Variants in CCNB3 observed in about 807,000 individuals in gnomAD.
CCNB3 encodes the protein G2/mitotic-specific cyclin-B3.
CCNB3 carries 12 observed loss-of-function variants against 68.0 expected under a neutral mutation model. The observed-to-expected ratio is 0.18, with a 90% CI of 0.11 to 0.29. The LOEUF is 0.29. Ranked by LOEUF, CCNB3 falls within the 10% of genes least tolerant of loss-of-function variation. The pLI is 1.00. For synonymous variants in CCNB3, 354 were observed against 388.9 expected (o/e 0.91, Z 1.06); for missense variants, 904 against 993.1 (o/e 0.91, Z 1.21).
intron 8 of CCNB3, among the ~76,000 whole-genome samples, chrX:50,328,263 CT>C (rs1922395775): frequency 8.9e-6 from 1 of 112,114 alleles, no homozygotes; most frequent in African/African-American, 3.2e-5. Context: ...TAAAGAAATA[CT>C]TGAGACCGGG....
chrX:50,228,143 A>G (rs1331369215), intron 1 of CCNB3, among the ~76,000 whole-genome samples: 2 of 91,280 alleles, frequency 2.2e-5, no homozygotes, highest in African/African-American at 8.0e-5. Flanking sequence ...TACATAATAT[A>G]TATATAAATA....
At chrX:50,227,684 T>C (rs1288468842) in intron 1 of CCNB3, among the ~76,000 whole-genome samples, 1 of 7,450 alleles carries the variant, frequency 1.3e-4, no homozygotes, top group East Asian at 3.8e-3. Flanking sequence ...AGAATATATA[T>C]ATAAATATAT....
At chrX:50,351,210 T>C (rs1557221099) in intron 11 of CCNB3, 31 bp from the exon 12 acceptor site, 1 of 1,208,632 alleles carries the variant, frequency 8.3e-7, no homozygotes, top group Admixed American at 2.2e-5. Context: ...CTTCCTATAG[T>C]AGAAATCACT....
chrX:50,322,208 T>C (rs928848141), intron 8 of CCNB3, among the ~76,000 whole-genome samples: 8 of 109,971 alleles, frequency 7.3e-5, no homozygotes, highest in African/African-American at 2.6e-4. Flanking sequence ...AGCATGGTAC[T>C]GGTACCAAAA....
intron 1 of CCNB3, among the ~76,000 whole-genome samples, chrX:50,228,209 A>G (rs1050563023): frequency 2.2e-5 from 2 of 89,528 alleles, no homozygotes; most frequent in Non-Finnish European, 4.2e-5. Flanking sequence ...ATAAATACTT[A>G]TACATAGAAT....
intron 1 of CCNB3, among the ~76,000 whole-genome samples, chrX:50,228,034 A>G (rs1266370524): frequency 1.3e-5 from 1 of 76,566 alleles, no homozygotes; most frequent in East Asian, 3.7e-4. Flanking sequence ...GAATATATAT[A>G]GAGAGAATAT....
chrX:50,312,644 G>T lies in CCNB3; in HGVS notation c.3423+12G>T. The T allele has an allele frequency of 8.9e-7, 1 of 1,118,714 alleles. No homozygotes were observed. Among genetic ancestry groups the T allele is most frequent in the Non-Finnish European group, 1.2e-6 (1 of 817,943 alleles). 92.2% of individuals were successfully genotyped at this position (1,118,714 alleles called of 1,213,427 possible). A position where few individuals can be genotyped will look rare whatever the true frequency, so the allele number is the denominator to read the frequency against. On this transcript the variant is annotated intron_variant, in intron 7 of 12. Coordinates refer to ENST00000376042, the MANE Select transcript of CCNB3 (RefSeq NM_033031.3). ...TGAAAGAGAGAGAGGTATTTAGGTT[G>T]CTTGGGTTGGGCAATGATTTCTAGT... is the stretch of plus-strand genomic sequence containing the variant.
upstream of CCNB3, among the ~76,000 whole-genome samples, chrX:50,204,105 A>G (rs1451123858): frequency 1.8e-5 from 2 of 111,755 alleles, no homozygotes; most frequent in African/African-American, 6.5e-5. Context: ...CATTGCATCC[A>G]CCACAATACT....
chrX:50,328,069 T>G, intron 8 of CCNB3, among the ~76,000 whole-genome samples: 1 of 111,524 alleles, frequency 9.0e-6, no homozygotes, highest in Non-Finnish European at 1.9e-5. Context: ...AAAAGAAAAT[T>G]GATTCTTTAC....
In CCNB3 at chrX:50,309,845, A is replaced by G. The variant is rs200092177; in HGVS notation, c.1676A>G (p.Asp559Gly). The change falls in exon 6 of 13, where the codon GAT (aspartate) becomes GGT (glycine). Residue 559 changes from aspartate (D) to glycine (G), a missense_variant. This residue lies in a region of CCNB3 where 619 missense variants were observed against 609.8 expected (regional missense o/e 1.02). Coordinates refer to ENST00000376042, the MANE Select transcript of CCNB3 (RefSeq NM_033031.3). ...GACTTTCAGGATATGATTGGTGAAGATAAGAATTCTTTCTTTATGGAGCCA... is the reference window on the plus strand; with the variant it reads ...GACTTTCAGGATATGATTGGTGAAGGTAAGAATTCTTTCTTTATGGAGCCA... ...LLDFQDMIGE[D>G]KNSFFMEPMS... 1.4e-4 allele frequency: 173 copies of G among 1,209,262 alleles called. No individual in the cohort carries two copies. Among genetic ancestry groups the G allele is most frequent in the Middle Eastern group, 1.4e-3 (6 of 4,368 alleles).
intron 1 of CCNB3, among the ~76,000 whole-genome samples, chrX:50,279,175 GAA>G (rs1936019027): frequency 8.3e-4 from 1 of 1,209 alleles, no homozygotes; most frequent in Non-Finnish European, 1.3e-3. Flanking sequence ...ATATATATAT[GAA>G]TATAATATAT....
At chrX:50,227,173 A>G (rs1254617125) in intron 1 of CCNB3, among the ~76,000 whole-genome samples, 1 of 83,306 alleles carries the variant, frequency 1.2e-5, no homozygotes, top group Non-Finnish European at 2.2e-5. Flanking sequence ...ATATATATAT[A>G]GAATATAAGT....
At chrX:50,280,366 TAATA>T (rs1383254378) in intron 1 of CCNB3, among the ~76,000 whole-genome samples, 18 of 105,299 alleles carry the variant, frequency 1.7e-4, no homozygotes, top group African/African-American at 5.5e-4. Context: ...ATCAGGTGAT[TAATA>T]AATGTTTGTT....
At chrX:50,306,060 A>G (rs1208897784) in intron 5 of CCNB3, among the ~76,000 whole-genome samples, 1 of 107,978 alleles carries the variant, frequency 9.3e-6, no homozygotes, top group African/African-American at 3.4e-5. Context: ...TACTGGGATT[A>G]CAGGCTTGAG....
chrX:50,226,139 A>G (rs1447789689), intron 1 of CCNB3, among the ~76,000 whole-genome samples: 5 of 76,916 alleles, frequency 6.5e-5, no homozygotes, highest in African/African-American at 2.5e-4. Flanking sequence ...ATATATAAAT[A>G]TATATTCTAT....
chrX:50,309,873 G>A lies in CCNB3; in HGVS notation c.1704G>A (p.Met568Ile), dbSNP rs782238339. 2.2e-5 allele frequency: 27 copies of A among 1,210,704 alleles called. No homozygotes were observed. The Admixed American group carries it at 5.9e-4, about 26-fold the overall frequency. ...AGAATTCTTTCTTTATGGAGCCAAT[G>A]TCATTTAGGAAGAACCCTACAACTG... ...EDKNSFFMEP[M>I]SFRKNPTTEE... The change falls in exon 6 of 13, where the codon ATG (methionine) becomes ATA (isoleucine). Residue 568 changes from methionine to isoleucine, a missense_variant. Around this residue, in one of 2 missense-constraint regions of CCNB3, gnomAD observed 619 missense variants for 609.8 expected, o/e 1.02. Transcript: ENST00000376042.
At chrX:50,300,141 T>G (rs1936592611) in intron 5 of CCNB3, among the ~76,000 whole-genome samples, 1 of 111,641 alleles carries the variant, frequency 9.0e-6, no homozygotes. Context: ...ACATTTAAGG[T>G]TAGTATTGTT....
chrX:50,224,536 T>C (rs1282418739), intron 1 of CCNB3, among the ~76,000 whole-genome samples: 1 of 112,028 alleles, frequency 8.9e-6, no homozygotes, highest in Non-Finnish European at 1.9e-5. Flanking sequence ...GTTTTTGTTG[T>C]TGTTGATGTG....
chrX:50,349,469 G>A (rs1183527484), intron 11 of CCNB3, among the ~76,000 whole-genome samples: 1 of 112,221 alleles, frequency 8.9e-6, no homozygotes, highest in East Asian at 2.8e-4. Flanking sequence ...AACAGTACTG[G>A]TATAGCAAAA....
Sources: allele counts gnomAD v4.1 joint callset (sites outside exome capture counted in the v4.1 genomes callset), GRCh38; gene constraint gnomAD v4.1.1; regional missense constraint gnomAD v4.1.1; transcripts MANE v1.5; gene names NCBI Gene and HGNC (gene_info 2026-07-23, HGNC 2026-07-21).